The following EPN1 variants were observed in gnomAD, a reference collection of about 807,000 sequenced individuals.
EPN1 encodes the protein epsin-1.
Under a neutral mutation model 56.9 loss-of-function variants are expected in EPN1, and 25 were observed. The ratio of observed to expected loss-of-function variants is 0.44; its 90% CI spans 0.32 to 0.61. The LOEUF (loss-of-function observed/expected upper bound fraction) is 0.61, where lower values mean the gene tolerates loss of function less well. Among genes scored for constraint, EPN1 ranks in the 20% least tolerant of loss-of-function variants. The probability of loss-of-function intolerance (pLI) is 0.05; values close to 1 mark genes in which losing one functional copy is unlikely to be tolerated. For synonymous variants in EPN1, 411 were observed against 361.8 expected, an observed-to-expected ratio of 1.14 and a Z score of -1.54; for missense variants, 785 against 823.7, an observed-to-expected ratio of 0.95 and a Z score of 0.58.
rs933200026 is a variant in EPN1, at chr19:55,703,237, G to A, written c.*7881G>A. 6.6e-6 allele frequency: 1 copy of A among 152,434 alleles called. No individual in the cohort carries two copies. Among genetic ancestry groups the A allele is most frequent in the Non-Finnish European group, 1.5e-5 (1 of 68,248 alleles). The allele number at this position is 152,434 out of a possible 1,614,324, so 9.4% of individuals were successfully genotyped here. A position where few individuals can be genotyped will look rare whatever the true frequency, so the allele number is the denominator to read the frequency against. On this transcript the variant is annotated 3_prime_UTR_variant, in exon 11 of 11. Transcript: ENST00000270460. ...TCTGTCCTGGACAACACTGTCCGGAGGGGCCTAAGTGGGAAGTGCCCTCAA... is the reference window on the plus strand; with the variant it reads ...TCTGTCCTGGACAACACTGTCCGGAAGGGCCTAAGTGGGAAGTGCCCTCAA...
At chr19:55,678,933 C>G (rs1985618844) in intron 2 of EPN1, 78 bp downstream of exon 2, 8 of 988,142 alleles carry the variant, frequency 8.1e-6, no homozygotes, top group East Asian at 7.3e-5. Flanking sequence ...TGCACCCTGC[C>G]TGGGATGGCA....
In EPN1 at chr19:55,677,322, A is replaced by C. The variant is rs1463700929; in HGVS notation, c.-101-1205A>C. 6.5e-6 allele frequency: 5 copies of C among 773,436 alleles called. No homozygotes were observed. In the Admixed American group the frequency reaches 8.0e-5, roughly 12 times the overall value. 47.9% of individuals were successfully genotyped at this position (773,436 alleles called of 1,614,324 possible). On this transcript the variant is annotated intron_variant, in intron 1 of 10. Transcript: ENST00000270460. ...TTTCAAGGATTAACTGAGTTAATAC[A>C]TGTAAAGCACTTAAAACAGTGCCTG...
rs1987502161 is a variant in EPN1, at chr19:55,707,820, A to G, written c.*12464A>G. ...CACAATGGTGTCTTTTGTCCTATGG[A>G]AACCCTTGTCCAGTCTTGAGTGTAA... is the stretch of plus-strand genomic sequence containing the variant. On this transcript the variant is annotated 3_prime_UTR_variant, in exon 11 of 11. Transcript: ENST00000270460. The G allele has an allele frequency of 6.5e-6, 1 of 154,420 alleles. No individual in the cohort carries two copies. The highest frequency in any genetic ancestry group is 2.4e-5 in the African/African-American group (1 of 41,538). 9.6% of individuals were successfully genotyped at this position (154,420 alleles called of 1,614,324 possible).
chr19:55,692,718 G>A lies in EPN1; in HGVS notation c.1099G>A (p.Asp367Asn), dbSNP rs575104821. The change falls in exon 8 of 11, where the codon GAT (aspartate) becomes AAT (asparagine). Residue 367 changes from aspartate (D) to asparagine (N), a missense_variant. Asp to Asn is a conservative substitution (Grantham distance 23). Around this residue, in one of 2 missense-constraint regions of EPN1, gnomAD observed 650 missense variants for 605.0 expected, o/e 1.07. Transcript: ENST00000270460. ...CCCGGTCAGTGGGCCCTCAGCCTCCGATCCCTGGACACCGGCCCCGGCCTT... is the reference window on the plus strand; with the variant it reads ...CCCGGTCAGTGGGCCCTCAGCCTCCAATCCCTGGACACCGGCCCCGGCCTT... ...GVPVSGPSAS[D>N]PWTPAPAFSD... 148 of 1,560,608 alleles carry A rather than the reference G, an allele frequency of 9.5e-5. No homozygotes were observed. Among genetic ancestry groups the A allele is most frequent in the South Asian group, 2.1e-4 (18 of 84,308 alleles).
chr19:55,680,706 T>C (rs1985756828), intron 2 of EPN1: 1 of 152,362 alleles, frequency 6.6e-6, no homozygotes, highest in African/African-American at 2.4e-5. Flanking sequence ...GGTCCCTGGG[T>C]CCACGTCTAG....
chr19:55,693,147 T>A, intron 9 of EPN1, 110 bp downstream of exon 9: 1 of 1,085,164 alleles, frequency 9.2e-7, no homozygotes, highest in Non-Finnish European at 1.4e-6. Context: ...CGGCTGGACT[T>A]AGGGATGAAA....
At position 55,691,964 on chromosome 19, in the gene EPN1, G is replaced by A. The variant is rs750465690; in HGVS notation, c.973G>A (p.Ala325Thr). 6.6e-7 allele frequency: 1 copy of A among 1,516,534 alleles called. No homozygotes were observed. Among genetic ancestry groups the A allele is most frequent in the East Asian group, 2.3e-5 (1 of 42,970 alleles). 93.9% of individuals were successfully genotyped at this position (1,516,534 alleles called of 1,614,324 possible). A position where few individuals can be genotyped will look rare whatever the true frequency, so the allele number is the denominator to read the frequency against. ...PASGDPWRPA[A>T]PAGPSVDPWG... The stretch of plus-strand genomic sequence containing the variant: ...CTCTGGGGACCCCTGGAGGCCTGCT[G>A]CCCCTGCAGGACCCTCAGTTGACCC... Residue 325 changes from alanine (A) to threonine (T), a missense_variant, in exon 7 of 11, where the codon GCC becomes ACC. Coordinates refer to ENST00000270460, the MANE Select transcript of EPN1 (RefSeq NM_001130072.2). The surrounding 1 kb of genome is among the most constrained non-coding windows in gnomAD (Gnocchi z 5.6).
Position 55,702,491 on chromosome 19 carries a change from G to A in EPN1, c.*7135G>A, listed in dbSNP as rs2122240874. Reference sequence around the variant, plus strand: ...TTTTCACTGGGGCCCATCTATGTATGTGGCTTGGTGATTACCCAGGAACCT... The same window carrying A: ...TTTTCACTGGGGCCCATCTATGTATATGGCTTGGTGATTACCCAGGAACCT... On this transcript the variant is annotated 3_prime_UTR_variant, in exon 11 of 11. Transcript: ENST00000270460. 1.3e-5 allele frequency: 2 copies of A among 152,324 alleles called. No homozygotes were observed. The highest frequency in any genetic ancestry group is 4.1e-4 in the South Asian group (2 of 4,830). 9.4% of individuals were successfully genotyped at this position (152,324 alleles called of 1,614,324 possible). A position where few individuals can be genotyped will look rare whatever the true frequency, so the allele number is the denominator to read the frequency against.
chr19:55,691,895 C>T lies in EPN1; in HGVS notation c.904C>T (p.Pro302Ser), dbSNP rs552668371. 6.3e-7 allele frequency: 1 copy of T among 1,598,778 alleles called. No individual in the cohort carries two copies. The highest frequency in any genetic ancestry group is 1.1e-5 in the South Asian group (1 of 90,060). The change falls in exon 7 of 11, where the codon CCT becomes TCT. Residue 302 changes from proline to serine, a missense_variant. By Grantham distance (74) the Pro-to-Ser change is moderately conservative. This residue lies in a region of EPN1 where 650 missense variants were observed against 605.0 expected (regional missense o/e 1.07). Coordinates refer to ENST00000270460, the MANE Select transcript of EPN1 (RefSeq NM_001130072.2). The surrounding 1 kb of genome is among the most constrained non-coding windows in gnomAD (Gnocchi z 5.6). ...TSDPWGGPPVPPAADPWGGPA... is the reference protein window; with the variant it reads ...TSDPWGGPPVSPAADPWGGPA... Reference sequence around the variant, plus strand: ...GGACCCCTGGGGCGGCCCCCCTGTCCCTCCAGCTGCTGATCCCTGGGGAGG... The same window carrying T: ...GGACCCCTGGGGCGGCCCCCCTGTCTCTCCAGCTGCTGATCCCTGGGGAGG...
rs11673193 is a variant in EPN1 at position 55,704,647 on chromosome 19, G to T, written c.*9291G>T. The T allele has an allele frequency of 0.4, 61,575 of 152,146 alleles. 14,017 individuals carry two copies. Among genetic ancestry groups the T allele is most frequent in the African/African-American group, 0.62 (25,637 of 41,462 alleles). 9.4% of individuals were successfully genotyped at this position (152,146 alleles called of 1,614,324 possible). A position where few individuals can be genotyped will look rare whatever the true frequency, so the allele number is the denominator to read the frequency against. On this transcript the variant is annotated 3_prime_UTR_variant, in exon 11 of 11. Transcript: ENST00000270460. Reference sequence around the variant, plus strand: ...CAGCCATCCACACTGTCTGGGGGAAGGCACACACACCCCACAGCACCCTTG... The same window carrying T: ...CAGCCATCCACACTGTCTGGGGGAATGCACACACACCCCACAGCACCCTTG...
chr19:55,678,206 G>A (rs888174892), intron 1 of EPN1, among the ~76,000 whole-genome samples: 4 of 152,314 alleles, frequency 2.6e-5, no homozygotes, highest in East Asian at 1.9e-4. Flanking sequence ...CTAGATGACC[G>A]CATGGAGCCC....
rs1229884066 is a variant in EPN1, at chr19:55,700,151, C to T, written c.*4795C>T. 4 of 143,380 alleles carry T rather than the reference C, an allele frequency of 2.8e-5. 1 individual carries two copies. The highest frequency in any genetic ancestry group is 1.2e-4 in the African/African-American group (4 of 33,046). 8.9% of individuals were successfully genotyped at this position (143,380 alleles called of 1,614,324 possible). A position where few individuals can be genotyped will look rare whatever the true frequency, so the allele number is the denominator to read the frequency against. ...TGTTAGCCAGGATGGTCACGATCTC[C>T]TGACCTCGTGATCTGCCCACCTCGG... On this transcript the variant is annotated 3_prime_UTR_variant, in exon 11 of 11. Coordinates refer to ENST00000270460, the MANE Select transcript of EPN1 (RefSeq NM_001130072.2).
intron 6 of EPN1, 150 bp downstream of exon 6, chr19:55,690,100 G>C (rs1986440506): frequency 2.6e-6 from 2 of 783,776 alleles, no homozygotes; most frequent in Admixed American, 5.4e-5. Context: ...CGGCCTCTCT[G>C]TGCCTCTCCC....
In EPN1 at chr19:55,699,379, T is replaced by C. The variant is rs533083026; in HGVS notation, c.*4023T>C. 12 of 152,202 alleles carry C rather than the reference T, an allele frequency of 7.9e-5. No individual in the cohort carries two copies. In the East Asian group the frequency reaches 2.3e-3, roughly 29 times the overall value. 9.4% of individuals were successfully genotyped at this position (152,202 alleles called of 1,614,324 possible). ...GTGAGCCATTGCGTCCGGCCAGAAA[T>C]GTTTTATTTCTTGAGAACTTGTCTG... On this transcript the variant is annotated 3_prime_UTR_variant, in exon 11 of 11. Coordinates refer to ENST00000270460, the MANE Select transcript of EPN1 (RefSeq NM_001130072.2).
chr19:55,684,528 C>G (rs1002699266), intron 2 of EPN1, among the ~76,000 whole-genome samples: 1 of 152,112 alleles, frequency 6.6e-6, no homozygotes, highest in Non-Finnish European at 1.5e-5. Context: ...TACAAACATA[C>G]CAAAGGGTGC....
rs1233058507 is a variant in EPN1, at chr19:55,699,009, G to A, written c.*3653G>A. On this transcript the variant is annotated 3_prime_UTR_variant, in exon 11 of 11. Coordinates refer to ENST00000270460, the MANE Select transcript of EPN1 (RefSeq NM_001130072.2). ...TCCGCCTGCCTCGGCCTCCCAAAGT[G>A]CTGGGATTACAGGCGTGAGCCACTG... 6.6e-6 allele frequency: 1 copy of A among 152,198 alleles called. No homozygotes were observed. Among genetic ancestry groups the A allele is most frequent in the Admixed American group, 6.5e-5 (1 of 15,286 alleles). 9.4% of individuals were successfully genotyped at this position (152,198 alleles called of 1,614,324 possible). A position where few individuals can be genotyped will look rare whatever the true frequency, so the allele number is the denominator to read the frequency against.
chr19:55,694,834 C>T lies in EPN1; in HGVS notation c.1373C>T (p.Ala458Val). 1 of 1,610,096 alleles carries T rather than the reference C, an allele frequency of 6.2e-7. No individual in the cohort carries two copies. The highest frequency in any genetic ancestry group is 1.3e-5 in the African/African-American group (1 of 74,958). The change falls in exon 10 of 11, where the codon GCA (alanine) becomes GTA (valine). Residue 458 changes from alanine (A) to valine (V), a missense_variant. Physicochemically the swap from Ala to Val is moderately conservative, Grantham distance 64. This residue lies in a region of EPN1 where 650 missense variants were observed against 605.0 expected (regional missense o/e 1.07). Transcript: ENST00000270460. This position sits in a 1 kb window ranked among gnomAD's most constrained non-coding sequence, Gnocchi z 4.2. ...GAGGCTGTGGGCAGCCCCCCACCTG[C>T]AGCCACACCAACTCCCACGCCCCCC... The part of the protein sequence containing the change: ...LAEAVGSPPP[A>V]ATPTPTPPTR...
At chr19:55,683,822 C>G (rs540096769) in intron 2 of EPN1, among the ~76,000 whole-genome samples, 1 of 152,232 alleles carries the variant, frequency 6.6e-6, no homozygotes, top group Non-Finnish European at 1.5e-5. Flanking sequence ...TTTCATGATC[C>G]GTTCGGCACA....
intron 3 of EPN1, among the ~76,000 whole-genome samples, chr19:55,687,564 G>C (rs1431158222): frequency 6.6e-6 from 1 of 151,416 alleles, no homozygotes; most frequent in Non-Finnish European, 1.5e-5. Context: ...TCACCTCTGA[G>C]AGTCCCTAGA....
Sources: gnomAD v4.1 joint callset for allele counts (sites outside exome capture counted in the v4.1 genomes callset) on GRCh38, gnomAD v4.1.1 for gene constraint, gnomAD v4.1.1 regional missense constraint, Gnocchi (gnomAD v3.1) non-coding constraint, MANE v1.5 for transcripts, NCBI Gene and HGNC (gene_info 2026-07-23, HGNC 2026-07-21) for gene names.